The following ADCY9 variants were observed in gnomAD, a reference collection of about 807,000 sequenced individuals.
The protein encoded by ADCY9 is adenylate cyclase 9, also known as adenylate cyclase type 9.
In ADCY9, 50 loss-of-function variants were observed where a neutral mutation model predicts 101.5. The observed-to-expected ratio is 0.49, with a 90% CI of 0.39 to 0.62. The LOEUF is 0.62. Among genes scored for constraint, ADCY9 ranks in the 20% least tolerant of loss-of-function variants. The pLI is 0.00. For synonymous variants in ADCY9, 905 were observed against 769.3 expected (o/e 1.18, Z -2.92); for missense variants, 1,662 against 1,800.4 (o/e 0.92, Z 1.39).
At chr16:3,978,618 G>A (rs535831188) in intron 8 of ADCY9, among the ~76,000 whole-genome samples, 3 of 152,258 alleles carry the variant, frequency 2.0e-5, no homozygotes, top group South Asian at 2.1e-4. Context: ...GCCACTGCCC[G>A]GGCGTGAGCA....
intron 5 of ADCY9, among the ~76,000 whole-genome samples, chr16:3,955,845 G>A (rs150230324): frequency 6.8e-6 from 1 of 148,140 alleles, no homozygotes; most frequent in Non-Finnish European, 1.5e-5. Context: ...CACCACACCT[G>A]GCCAAAATTT....
intron 3 of ADCY9, among the ~76,000 whole-genome samples, chr16:4,000,467 A>G (rs748977987): frequency 1.8e-4 from 27 of 152,248 alleles, no homozygotes; most frequent in Non-Finnish European, 3.8e-4. Context: ...AGGTACGGGC[A>G]TAAGTACAAA....
At chr16:4,024,399 T>C (rs1404024684) in intron 2 of ADCY9, among the ~76,000 whole-genome samples, 1 of 152,228 alleles carries the variant, frequency 6.6e-6, no homozygotes, top group Non-Finnish European at 1.5e-5. Flanking sequence ...AGTTCTCATA[T>C]ATCCCTCGCT....
intron 2 of ADCY9, among the ~76,000 whole-genome samples, chr16:4,081,799 G>A (rs1171033234): frequency 6.7e-6 from 1 of 148,152 alleles, no homozygotes; most frequent in South Asian, 2.2e-4. Flanking sequence ...GGGGCGTGTG[G>A]GTAAGAGCAA....
intron 3 of ADCY9, among the ~76,000 whole-genome samples, chr16:4,000,399 C>A (rs1406324656): frequency 2.6e-5 from 4 of 152,162 alleles, no homozygotes; most frequent in African/African-American, 9.7e-5. Context: ...CCTGTCAGTG[C>A]GGCAGAGCCA....
chr16:4,077,497 C>G (rs1567138969), intron 2 of ADCY9, among the ~76,000 whole-genome samples: 1 of 152,082 alleles, frequency 6.6e-6, no homozygotes, highest in Admixed American at 6.6e-5. Flanking sequence ...TCTTTTCTTA[C>G]AGCGGGAAAA....
intron 2 of ADCY9, among the ~76,000 whole-genome samples, chr16:4,052,387 G>A (rs999678311): frequency 3.9e-5 from 6 of 152,088 alleles, no homozygotes; most frequent in Non-Finnish European, 7.4e-5. Flanking sequence ...CTTGTTTTTA[G>A]GAAACCCACA....
rs34476259 is a variant in ADCY9, at chr16:4,111,850, A to ATT, written c.1693+1898_1693+1899dup. Reference sequence around the variant, plus strand: ...AAAAAAAACACAAACTCACTCTAGCATTTTTTTTTTTTGGCTCTGTGTCTG... The same window carrying ATT: ...AAAAAAAACACAAACTCACTCTAGCATTTTTTTTTTTTTTGGCTCTGTGTCTG... On this transcript the variant is annotated intron_variant, in intron 2 of 10. Coordinates refer to ENST00000294016, the MANE Select transcript of ADCY9 (RefSeq NM_001116.4). 2.6e-3 allele frequency among the ~76,000 whole-genome samples: 366 copies of ATT among 143,160 alleles called. 2 individuals are homozygous for ATT. Among genetic ancestry groups the ATT allele is most frequent in the African/African-American group, 5.7e-3 (225 of 39,308 alleles). The allele number at this position is 143,160 out of a possible 152,430, so 93.9% of individuals were successfully genotyped here.
intron 2 of ADCY9, among the ~76,000 whole-genome samples, chr16:4,086,987 T>C (rs1000796556): frequency 8.1e-4 from 122 of 150,774 alleles, no homozygotes; most frequent in African/African-American, 2.9e-3. Context: ...TCTCCCCTAA[T>C]CAAGGTGCTG....
intron 2 of ADCY9, among the ~76,000 whole-genome samples, chr16:4,083,309 C>A (rs2056917329): frequency 6.6e-6 from 1 of 152,100 alleles, no homozygotes; most frequent in Admixed American, 6.5e-5. Flanking sequence ...GTGTGGGATA[C>A]AAAAGTGTCT....
chr16:4,104,396 A>C (rs989782602), intron 2 of ADCY9, among the ~76,000 whole-genome samples: 2 of 152,228 alleles, frequency 1.3e-5, no homozygotes, highest in Non-Finnish European at 2.9e-5. Flanking sequence ...TGTACAAAAA[A>C]AGATAATAAA....
In ADCY9 at chr16:4,115,861, G is replaced by T. The variant is rs2057148384; in HGVS notation, c.-215C>A. 6 of 396,880 alleles carry T rather than the reference G, an allele frequency of 1.5e-5. No individual in the cohort carries two copies. In the Admixed American group the frequency reaches 2.6e-4, roughly 17 times the overall value. The allele number at this position is 396,880 out of a possible 1,614,324, so 24.6% of individuals were successfully genotyped here. On this transcript the variant is annotated 5_prime_UTR_variant, in exon 1 of 11. Transcript: ENST00000294016. The surrounding 1 kb of genome is among the most constrained non-coding windows in gnomAD (Gnocchi z 6.2). ...CCGGAGGGAAGTTCAGACCTTGAGC[G>T]CTCCCAGCCCCGCGAGCCGCCTGCG...
rs762515157 is a variant in ADCY9 at position 4,114,990 on chromosome 16, G to A, written c.453C>T (p.Cys151=). The A allele has an allele frequency of 2.4e-5, 39 of 1,614,098 alleles. No individual in the cohort carries two copies. Among genetic ancestry groups the A allele is most frequent in the Non-Finnish European group, 3.1e-5 (36 of 1,180,032 alleles). Residue 151 remains cysteine, a synonymous_variant, in exon 2 of 11, where the codon TGC becomes TGT. Coordinates refer to ENST00000294016, the MANE Select transcript of ADCY9 (RefSeq NM_001116.4). This position sits in a 1 kb window ranked among gnomAD's most constrained non-coding sequence, Gnocchi z 4.3. ...AGAAGCCCACACACACCAGGAGGAAGCACAGCGCGGGGGCGACCATGACGA... is the reference window on the plus strand; with the variant it reads ...AGAAGCCCACACACACCAGGAGGAAACACAGCGCGGGGGCGACCATGACGA... ...RLIVMVAPAL[C]FLLVCVGFFL... is the part of the protein sequence containing the mutation.
intron 3 of ADCY9, among the ~76,000 whole-genome samples, chr16:3,993,866 G>A (rs966095140): frequency 2.0e-5 from 3 of 152,138 alleles, no homozygotes; most frequent in South Asian, 2.1e-4. Context: ...CATTATGCTC[G>A]GGGAGGGAAG....
chr16:4,083,832 T>TA (rs1247982116), intron 2 of ADCY9, among the ~76,000 whole-genome samples: 3 of 152,026 alleles, frequency 2.0e-5, no homozygotes, highest in African/African-American at 7.2e-5. Flanking sequence ...GAAAGCAGCT[T>TA]AGGGGCTGCC....
chr16:4,090,709 T>C (rs1342359657), intron 2 of ADCY9, among the ~76,000 whole-genome samples: 1 of 148,922 alleles, frequency 6.7e-6, no homozygotes, highest in Non-Finnish European at 1.5e-5. Flanking sequence ...TTGTTGAGAT[T>C]TTTTTTTTTT....
At chr16:4,065,518 G>A (rs1274989482) in intron 2 of ADCY9, among the ~76,000 whole-genome samples, 5 of 152,186 alleles carry the variant, frequency 3.3e-5, no homozygotes, top group Admixed American at 2.0e-4. Context: ...GGCAGAAGTC[G>A]AATGTCGCAC....
At chr16:3,994,583 G>C (rs2056272707) in intron 3 of ADCY9, among the ~76,000 whole-genome samples, 1 of 152,212 alleles carries the variant, frequency 6.6e-6, no homozygotes, top group Non-Finnish European at 1.5e-5. Flanking sequence ...AGCCTCCTGA[G>C]TAGCTGCGAT....
At chr16:4,092,669 T>TA (rs904356803) in intron 2 of ADCY9, among the ~76,000 whole-genome samples, 1 of 152,120 alleles carries the variant, frequency 6.6e-6, no homozygotes, top group African/African-American at 2.4e-5. Flanking sequence ...AATAATACAC[T>TA]AAAAATAACT....
Sources: gnomAD v4.1 joint callset for allele counts (sites outside exome capture counted in the v4.1 genomes callset) on GRCh38, gnomAD v4.1.1 for gene constraint, Gnocchi (gnomAD v3.1) non-coding constraint, MANE v1.5 for transcripts, NCBI Gene and HGNC (gene_info 2026-07-23, HGNC 2026-07-21) for gene names.